MCRIP2: variants seen among roughly 807,000 people sequenced by gnomAD.
MCRIP2 encodes MAPK regulated co-repressor interacting protein 2.
A neutral mutation model predicts 23.2 loss-of-function variants in MCRIP2; 21 were observed. The ratio of observed to expected loss-of-function variants is 0.90; its 90% confidence interval spans 0.64 to 1.30. MCRIP2 has a LOEUF of 1.30. Ranked by LOEUF, MCRIP2 falls within the 50% of genes most tolerant of loss-of-function variation. The pLI is 0.00. For synonymous variants in MCRIP2, 121 were observed against 100.2 expected, an observed-to-expected ratio of 1.21 and a Z score of -1.24; for missense variants, 234 against 223.2, an observed-to-expected ratio of 1.05 and a Z score of -0.31.
At position 648,300 on chromosome 16, in the gene MCRIP2, C is replaced by A; in HGVS notation, c.*110C>A. 8.9e-7 allele frequency: 1 copy of A among 1,122,020 alleles called. No homozygotes were observed. Among genetic ancestry groups the A allele is most frequent in the Non-Finnish European group, 1.3e-6 (1 of 770,746 alleles). The allele number at this position is 1,122,020 out of a possible 1,614,324, so 69.5% of individuals were successfully genotyped here. On this transcript the variant is annotated 3_prime_UTR_variant, in exon 5 of 5. Transcript: ENST00000307650. ...TGGGTGCCGGCCACACCTGAAGTGC[C>A]AGCATTTGGACTTTTGCACCTTTTT...
In MCRIP2 at chr16:648,325, T is replaced by C; in HGVS notation, c.*135T>C. ...CAGCATTTGGACTTTTGCACCTTTT[T>C]TTCCCTTGGCCCGGCTGTCCCAACC... On this transcript the variant is annotated 3_prime_UTR_variant, in exon 5 of 5. Transcript: ENST00000307650. The C allele has an allele frequency of 1.1e-6, 1 of 922,396 alleles. No individual in the cohort carries two copies. Among genetic ancestry groups the C allele is most frequent in the South Asian group, 1.5e-5 (1 of 67,242 alleles). 57.1% of individuals were successfully genotyped at this position (922,396 alleles called of 1,614,324 possible).
At chr16:643,019 CAGG>C (rs1812131071) in intron 2 of MCRIP2, 1 of 152,510 alleles carries the variant, frequency 6.6e-6, no homozygotes, top group Non-Finnish European at 1.5e-5. Flanking sequence ...GAGCTCGGGC[CAGG>C]AGTTCAGGGC....
At position 642,246 on chromosome 16, in the gene MCRIP2, C is replaced by A; in HGVS notation, c.179C>A (p.Ser60Ter). ...FAQPPGPWPLSSPGPRLVFNR... is the reference protein window; with the variant it reads ...FAQPPGPWPL Reference sequence around the variant, plus strand: ...CAGCCGCCGGGACCCTGGCCCCTGTCGAGGTGAGACGCGCGCGGCCCCGGC... The same window carrying A: ...CAGCCGCCGGGACCCTGGCCCCTGTAGAGGTGAGACGCGCGCGGCCCCGGC... The change falls in exon 2 of 5, where the codon TCG (serine) becomes TAG (stop). Residue 60 changes from serine (S) to a stop codon, truncating the protein, a stop_gained. Coordinates refer to ENST00000307650, the MANE Select transcript of MCRIP2 (RefSeq NM_138418.4). LOFTEE classifies it high-confidence loss of function. 1 of 1,188,728 alleles carries A rather than the reference C, an allele frequency of 8.4e-7. No homozygotes were observed. The highest frequency in any genetic ancestry group is 3.9e-5 in the South Asian group (1 of 25,820). 73.6% of individuals were successfully genotyped at this position (1,188,728 alleles called of 1,614,324 possible). A position where few individuals can be genotyped will look rare whatever the true frequency, so the allele number is the denominator to read the frequency against.
In MCRIP2 at chr16:647,429, G is replaced by A; in HGVS notation, c.195G>A (p.Arg65=). 1 of 1,613,472 alleles carries A rather than the reference G, an allele frequency of 6.2e-7. No individual in the cohort carries two copies. The highest frequency in any genetic ancestry group is 8.5e-7 in the Non-Finnish European group (1 of 1,179,978). ...GPWPLSSPGP[R]LVFNRVNGRR... ...TCCCTTCCTGCAGTCCAGGGCCAAG[G>A]CTTGTGTTCAATCGTGTGAATGGCC... is the stretch of plus-strand genomic sequence containing the variant. Residue 65 remains arginine (R), a synonymous_variant, in exon 3 of 5, where the codon AGG becomes AGA. Coordinates refer to ENST00000307650, the MANE Select transcript of MCRIP2 (RefSeq NM_138418.4).
chr16:647,361 G>A, intron 2 of MCRIP2, 56 bp from the exon 3 acceptor site: 1 of 1,600,690 alleles, frequency 6.2e-7, no homozygotes, highest in Non-Finnish European at 8.5e-7. Context: ...AGTTCTGCCA[G>A]GCAGCACCGC....
At position 647,764 on chromosome 16, in the gene MCRIP2, G is replaced by A. The variant is rs1013225254; in HGVS notation, c.311-19G>A. ...GGGTGCCTGGGACCTGGCTCAGCCC[G>A]ACTGCCCTCCTCCCACAGCCTGGCA... On this transcript the variant is annotated intron_variant, in intron 3 of 4. Transcript: ENST00000307650. The A allele has an allele frequency of 6.4e-6, 10 of 1,551,946 alleles. No homozygotes were observed. The South Asian group carries it at 7.1e-5, about 11-fold the overall frequency.
At chr16:647,377 G>A (rs901703267) in intron 2 of MCRIP2, 40 bp from the exon 3 acceptor site, 2 of 1,607,748 alleles carry the variant, frequency 1.2e-6, no homozygotes, top group African/African-American at 2.7e-5. Context: ...ACCGCACCTG[G>A]GATGGGCACC....
chr16:647,619 A>T (rs2037520712), intron 3 of MCRIP2, 75 bp downstream of exon 3: 31 of 1,583,484 alleles, frequency 2.0e-5, no homozygotes, highest in Middle Eastern at 1.7e-4. Flanking sequence ...GCCCCACTTC[A>T]AGCTGACCCA....
Position 648,346 on chromosome 16 carries a change from C to G in MCRIP2, c.*156C>G, listed in dbSNP as rs766394413. The G allele has an allele frequency of 1.8e-5, 14 of 781,688 alleles. No homozygotes were observed. Among genetic ancestry groups the G allele is most frequent in the Non-Finnish European group, 2.9e-5 (14 of 478,632 alleles). 48.4% of individuals were successfully genotyped at this position (781,688 alleles called of 1,614,324 possible). On this transcript the variant is annotated 3_prime_UTR_variant, in exon 5 of 5. Coordinates refer to ENST00000307650, the MANE Select transcript of MCRIP2 (RefSeq NM_138418.4). ...TTTTTTTCCCTTGGCCCGGCTGTCCCAACCAAGCTGCCATGGCCAAGGGCC... is the reference window on the plus strand; with the variant it reads ...TTTTTTTCCCTTGGCCCGGCTGTCCGAACCAAGCTGCCATGGCCAAGGGCC...
intron 2 of MCRIP2, chr16:647,107 G>A (rs183999826): frequency 2.3e-5 from 9 of 385,732 alleles, no homozygotes; most frequent in East Asian, 4.6e-5. Context: ...CAAGACCCTC[G>A]GGGAGGGGTA....
At position 648,251 on chromosome 16, in the gene MCRIP2, C is replaced by A. The variant is rs74000900; in HGVS notation, c.*61C>A. 11,683 of 1,495,980 alleles carry A rather than the reference C, an allele frequency of 7.8e-3. 765 individuals are homozygous for A. The African/African-American group carries it at 0.14, about 18-fold the overall frequency. The allele number at this position is 1,495,980 out of a possible 1,614,324, so 92.7% of individuals were successfully genotyped here. ...CTGTCGCCAGGAGAGAAGCATGGCG[C>A]CCTGCCCACCCACTGCGCCTGGCTG... is the stretch of plus-strand genomic sequence containing the variant. On this transcript the variant is annotated 3_prime_UTR_variant, in exon 5 of 5. Transcript: ENST00000307650.
intron 2 of MCRIP2, 41 bp downstream of exon 2, chr16:642,290 C>G (rs1596447951): frequency 4.4e-6 from 5 of 1,147,898 alleles, no homozygotes; most frequent in Middle Eastern, 3.6e-4. Context: ...GCCCGGCTTC[C>G]CCTCCCCCGC....
In MCRIP2 at chr16:641,939, G is replaced by A; in HGVS notation, c.-53G>A. 3 of 1,278,504 alleles carry A rather than the reference G, an allele frequency of 2.3e-6. No homozygotes were observed. The highest frequency in any genetic ancestry group is 2.4e-5 in the South Asian group (1 of 41,052). 79.2% of individuals were successfully genotyped at this position (1,278,504 alleles called of 1,614,324 possible). A position where few individuals can be genotyped will look rare whatever the true frequency, so the allele number is the denominator to read the frequency against. On this transcript the variant is annotated 5_prime_UTR_variant, in exon 1 of 5. Transcript: ENST00000307650. The stretch of plus-strand genomic sequence containing the variant: ...CGCAGTCCGTTAAGTGCGAGCCCCG[G>A]CGCAGGGGCCGGATCTGGCCGGGGG...
chr16:644,730 G>A (rs1025282797), intron 2 of MCRIP2, among the ~76,000 whole-genome samples: 2 of 151,922 alleles, frequency 1.3e-5, no homozygotes, highest in African/African-American at 2.4e-5. Flanking sequence ...GTGGGCCACC[G>A]CGCCCGGCCC....
At chr16:643,516 C>T (rs1052752919) in intron 2 of MCRIP2, among the ~76,000 whole-genome samples, 1 of 150,370 alleles carries the variant, frequency 6.7e-6, no homozygotes, top group Non-Finnish European at 1.5e-5. Context: ...CAGTGGGCAA[C>T]ACCAGGCCCA....
At chr16:647,700 T>C in intron 3 of MCRIP2, 83 bp from the exon 4 acceptor site, 8 of 1,511,048 alleles carry the variant, frequency 5.3e-6, no homozygotes, top group Non-Finnish European at 7.2e-6. Context: ...TGTGTGGGGC[T>C]GGAGTCCAGG....
In MCRIP2 at chr16:646,509, G is replaced by C. The variant is rs1027214499; in HGVS notation, c.183-908G>C. 2.0e-5 allele frequency: 3 copies of C among 152,214 alleles called. No homozygotes were observed. Among genetic ancestry groups the C allele is most frequent in the Non-Finnish European group, 4.4e-5 (3 of 68,054 alleles). 9.4% of individuals were successfully genotyped at this position (152,214 alleles called of 1,614,324 possible). A position where few individuals can be genotyped will look rare whatever the true frequency, so the allele number is the denominator to read the frequency against. ...CTGAGGAGGAACCGAGAGCGGCGCT[G>C]GGGCACCTGAGCCCAGGAAGGCAAC... On this transcript the variant is annotated intron_variant, in intron 2 of 4. Transcript: ENST00000307650. The surrounding 1 kb of genome is among the most constrained non-coding windows in gnomAD (Gnocchi z 6.5).
At chr16:644,736 G>GGCCCT (rs1419546974) in intron 2 of MCRIP2, among the ~76,000 whole-genome samples, 4 of 151,908 alleles carry the variant, frequency 2.6e-5, no homozygotes, top group African/African-American at 9.7e-5. Context: ...CACCGCGCCC[G>GGCCCT]GCCCTGCCCT....
chr16:647,948 C>G, intron 4 of MCRIP2, 64 bp downstream of exon 4: 1 of 1,241,220 alleles, frequency 8.1e-7, no homozygotes, highest in Non-Finnish European at 1.1e-6. Flanking sequence ...TGACCCAGGC[C>G]CTGCCAGGTT....
Sources: allele counts gnomAD v4.1 joint callset (sites outside exome capture counted in the v4.1 genomes callset), GRCh38; gene constraint gnomAD v4.1.1; non-coding constraint Gnocchi (gnomAD v3.1); transcripts MANE v1.5; gene names NCBI Gene and HGNC (gene_info 2026-07-23, HGNC 2026-07-21).